The following PAX5 variants were observed in gnomAD, a reference collection of about 807,000 sequenced individuals.
PAX5 encodes the protein paired box 5, also known as paired box protein Pax-5.
A neutral mutation model predicts 43.7 loss-of-function variants in PAX5; 9 were observed. The ratio of observed to expected loss-of-function variants is 0.21; its 90% CI spans 0.12 to 0.36. PAX5 has a LOEUF of 0.36. Ranked by LOEUF, PAX5 falls within the 10% of genes least tolerant of loss-of-function variation. The pLI is 1.00. For synonymous variants in PAX5, 228 were observed against 214.3 expected (o/e 1.06, Z -0.56); for missense variants, 383 against 532.7 (o/e 0.72, Z 2.77).
chr9:37,026,644 A>G, intron 1 of PAX5: 1 of 1,350,574 alleles, frequency 7.4e-7, no homozygotes, highest in Middle Eastern at 2.0e-4. Context: ...CCCAGGGCGG[A>G]TAGGGAGCCT....
chr9:36,855,181 C>T (rs1823544326), intron 8 of PAX5, among the ~76,000 whole-genome samples: 1 of 152,264 alleles, frequency 6.6e-6, no homozygotes, highest in Admixed American at 6.5e-5. Context: ...AGCTGGCCAT[C>T]CATCACAGGC....
intron 6 of PAX5, among the ~76,000 whole-genome samples, chr9:36,924,950 G>A (rs989635427): frequency 1.3e-5 from 2 of 151,972 alleles, no homozygotes; most frequent in African/African-American, 2.4e-5. Context: ...TGCTGATGGA[G>A]GACACACCCA....
intron 1 of PAX5, among the ~76,000 whole-genome samples, chr9:37,033,403 A>G (rs1841189539): frequency 6.6e-6 from 1 of 152,234 alleles, no homozygotes; most frequent in African/African-American, 2.4e-5. Flanking sequence ...AGGTCAGTGT[A>G]GCCACTTCTT....
At chr9:37,012,703 A>T (rs908523077) in intron 3 of PAX5, among the ~76,000 whole-genome samples, 1 of 152,230 alleles carries the variant, frequency 6.6e-6, no homozygotes, top group Admixed American at 6.5e-5. Context: ...TGACTTAAAT[A>T]AATTTATTTT....
chr9:36,960,712 C>A (rs145898699), intron 6 of PAX5, among the ~76,000 whole-genome samples: 133 of 152,310 alleles, frequency 8.7e-4, no homozygotes, highest in Middle Eastern at 6.8e-3. Flanking sequence ...CTGCGTTCCA[C>A]CCCTCTGTGG....
chr9:36,992,826 A>G (rs1348767132), intron 5 of PAX5, among the ~76,000 whole-genome samples: 2 of 152,244 alleles, frequency 1.3e-5, no homozygotes, highest in Admixed American at 1.3e-4. Context: ...CCTGAAGCAG[A>G]AATTTTCAAA....
At chr9:37,018,793 A>C (rs1324655876) in intron 2 of PAX5, among the ~76,000 whole-genome samples, 1 of 152,044 alleles carries the variant, frequency 6.6e-6, no homozygotes, top group African/African-American at 2.4e-5. Flanking sequence ...TCCGAGTGCC[A>C]CTCTACCTAG....
rs1821544039 is a variant in PAX5 at position 36,835,003 on chromosome 9, G to A, written c.*5557C>T. On this transcript the variant is annotated 3_prime_UTR_variant, in exon 10 of 10. Coordinates refer to ENST00000358127, the MANE Select transcript of PAX5 (RefSeq NM_016734.3). The stretch of plus-strand genomic sequence containing the variant: ...GATCAGCCACCGGAAGCTGATGGGT[G>A]GGTGGGTTTGTGCCTCTGTCTCTCC... The A allele has an allele frequency of 1.3e-5, 3 of 233,244 alleles. No homozygotes were observed. The highest frequency in any genetic ancestry group is 2.5e-5 in the Non-Finnish European group (3 of 118,094). The allele number at this position is 233,244 out of a possible 1,614,324, so 14.4% of individuals were successfully genotyped here.
At chr9:36,896,244 G>A (rs1340573409) in intron 7 of PAX5, among the ~76,000 whole-genome samples, 4 of 152,040 alleles carry the variant, frequency 2.6e-5, no homozygotes, top group East Asian at 1.9e-4. Flanking sequence ...GGCCCATCAC[G>A]AATCCTAAAC....
chr9:36,923,084 A>G (rs1830308616), intron 7 of PAX5: 11 of 397,388 alleles, frequency 2.8e-5, no homozygotes, highest in Non-Finnish European at 3.2e-5. Flanking sequence ...CCCCTCTGGC[A>G]TGAGGTTTCC....
At chr9:36,929,492 G>A (rs573439840) in intron 6 of PAX5, among the ~76,000 whole-genome samples, 55 of 152,230 alleles carry the variant, frequency 3.6e-4, no homozygotes, top group Admixed American at 3.9e-4. Flanking sequence ...CATTGCCCCC[G>A]CCAACCCCAG....
rs760031382 is a variant in PAX5 at position 36,966,613 on chromosome 9, C to T, written c.716G>A (p.Arg239His). The T allele has an allele frequency of 4.3e-6, 7 of 1,614,188 alleles. No homozygotes were observed. Among genetic ancestry groups the T allele is most frequent in the South Asian group, 3.3e-5 (3 of 91,080 alleles). Residue 239 changes from arginine (R) to histidine (H), a missense_variant, in exon 6 of 10, where the codon CGC (arginine) becomes CAC (histidine). Arg to His is a conservative substitution (Grantham distance 29, BLOSUM62 0). This residue lies in a region of PAX5 where 291 missense variants were observed against 342.5 expected (regional missense o/e 0.85). Coordinates refer to ENST00000358127, the MANE Select transcript of PAX5 (RefSeq NM_016734.3). ...FTQQQLEVLD[R>H]VFERQHYSDI... ...TGAGTAGTGCTGCCTCTCAAACACG[C>T]GGTCCAGCACCTCCAGCTGCTGCTG...
At chr9:37,013,502 G>C (rs1179451213) in intron 3 of PAX5, among the ~76,000 whole-genome samples, 1 of 152,190 alleles carries the variant, frequency 6.6e-6, no homozygotes, top group African/African-American at 2.4e-5. Flanking sequence ...GAGCAGGCCA[G>C]CTGCCTGTCA....
At chr9:36,891,057 T>C (rs2131813615) in intron 7 of PAX5, among the ~76,000 whole-genome samples, 1 of 152,242 alleles carries the variant, frequency 6.6e-6, no homozygotes, top group South Asian at 2.1e-4. Context: ...GAGAATTGCT[T>C]GAACTTGGGA....
At chr9:36,948,945 A>G (rs1037471276) in intron 6 of PAX5, among the ~76,000 whole-genome samples, 1 of 152,202 alleles carries the variant, frequency 6.6e-6, no homozygotes, top group African/African-American at 2.4e-5. Flanking sequence ...CTTAATAATA[A>G]TAACAATGAT....
intron 5 of PAX5, among the ~76,000 whole-genome samples, chr9:36,981,188 C>G (rs918841292): frequency 6.8e-5 from 10 of 146,744 alleles, no homozygotes; most frequent in African/African-American, 1.8e-4. Flanking sequence ...CAGCAAAGCC[C>G]CCCCCCCCTC....
chr9:36,847,708 G>C (rs1822727175), intron 8 of PAX5, among the ~76,000 whole-genome samples: 1 of 152,174 alleles, frequency 6.6e-6, no homozygotes, highest in Admixed American at 6.5e-5. Flanking sequence ...GGCATGGTGG[G>C]ACCCGAACAT....
In PAX5 at chr9:37,015,482, G is replaced by T. The variant is rs1839306013; in HGVS notation, c.213-288C>A. Among the ~76,000 whole-genome samples the T allele has an allele frequency of 6.6e-6, 1 of 151,832 alleles. No individual in the cohort carries two copies. Among genetic ancestry groups the T allele is most frequent in the Admixed American group, 6.6e-5 (1 of 15,250 alleles). On this transcript the variant is annotated intron_variant, in intron 2 of 9. Transcript: ENST00000358127. This position sits in a 1 kb window ranked among gnomAD's most constrained non-coding sequence, Gnocchi z 4.4. ...GTTGAAATAACAATTTTTATATATT[G>T]AGTTAAAATATATAATTAAAATATA...
At chr9:37,013,114 G>T (rs1839089412) in intron 3 of PAX5, among the ~76,000 whole-genome samples, 1 of 152,104 alleles carries the variant, frequency 6.6e-6, no homozygotes, top group South Asian at 2.1e-4. Flanking sequence ...TTTAAATATA[G>T]AGATTTCACA....
Sources: gnomAD v4.1 joint callset for allele counts (sites outside exome capture counted in the v4.1 genomes callset) on GRCh38, gnomAD v4.1.1 for gene constraint, gnomAD v4.1.1 regional missense constraint, Gnocchi (gnomAD v3.1) non-coding constraint, MANE v1.5 for transcripts, NCBI Gene and HGNC (gene_info 2026-07-23, HGNC 2026-07-21) for gene names.